The following MGAT4C variants were observed in gnomAD, a reference collection of about 807,000 sequenced individuals.
MGAT4C encodes MGAT4 family member C.
In MGAT4C, 19 loss-of-function variants were observed where a neutral mutation model predicts 40.1. That is an observed-to-expected ratio of 0.47 (90% CI 0.33 to 0.70). The LOEUF (loss-of-function observed/expected upper bound fraction) is 0.70. Ranked by LOEUF, MGAT4C falls within the 30% of genes least tolerant of loss-of-function variation. The pLI is 0.02. For synonymous variants in MGAT4C, 181 were observed against 187.1 expected (o/e 0.97, Z 0.27); for missense variants, 491 against 563.2 (o/e 0.87, Z 1.30).
chr12:86,371,914 A>G (rs1443884113), intron 3 of MGAT4C, among the ~76,000 whole-genome samples: 1 of 152,032 alleles, frequency 6.6e-6, no homozygotes, highest in Non-Finnish European at 1.5e-5. Context: ...CTTTCCTGGA[A>G]ATAAAAAATG....
chr12:86,672,091 T>A (rs2136564863), intron 2 of MGAT4C, among the ~76,000 whole-genome samples: 1 of 152,218 alleles, frequency 6.6e-6, no homozygotes, highest in South Asian at 2.1e-4. Context: ...GAAACTTCTC[T>A]GACCACAATG....
intron 2 of MGAT4C, among the ~76,000 whole-genome samples, chr12:86,497,893 A>AATATATATATATATATAT (rs71078904): frequency 7.5e-6 from 1 of 133,894 alleles, no homozygotes; most frequent in African/African-American, 2.7e-5. Context: ...GAAATTCCTA[A>AATATATATATATATATAT]ATATATATAT....
chr12:86,345,403 C>T (rs1380000241), intron 3 of MGAT4C, among the ~76,000 whole-genome samples: 2 of 152,024 alleles, frequency 1.3e-5, no homozygotes, highest in South Asian at 2.1e-4. Flanking sequence ...TTAGGTACAT[C>T]TCCTAATGCT....
intron 1 of MGAT4C, among the ~76,000 whole-genome samples, chr12:86,196,775 G>A (rs1283997066): frequency 2.0e-5 from 3 of 152,074 alleles, no homozygotes; most frequent in Non-Finnish European, 2.9e-5. Context: ...ATCTCTTTAA[G>A]GAGCAAATTT....
chr12:86,362,806 G>T (rs1344732547), intron 3 of MGAT4C, among the ~76,000 whole-genome samples: 1 of 145,628 alleles, frequency 6.9e-6, no homozygotes, highest in Non-Finnish European at 1.5e-5. Flanking sequence ...TGTGGAGTTT[G>T]CAGTGAGCCG....
chr12:86,138,716 T>A (rs1882400901), intron 1 of MGAT4C, among the ~76,000 whole-genome samples: 1 of 149,892 alleles, frequency 6.7e-6, no homozygotes, highest in African/African-American at 2.4e-5. Context: ...ATATATAAAA[T>A]ACAAATCATC....
At chr12:86,648,428 G>T (rs1034939747) in intron 2 of MGAT4C, among the ~76,000 whole-genome samples, 5 of 151,848 alleles carry the variant, frequency 3.3e-5, no homozygotes, top group African/African-American at 1.2e-4. Context: ...CCTTTGGGAG[G>T]TTATTAGAGT....
At chr12:86,719,551 G>A (rs1950704235) in intron 2 of MGAT4C, among the ~76,000 whole-genome samples, 1 of 152,272 alleles carries the variant, frequency 6.6e-6, no homozygotes, top group Admixed American at 6.5e-5. Flanking sequence ...GTTTCTTGAT[G>A]ATGGCTCAGT....
intron 1 of MGAT4C, among the ~76,000 whole-genome samples, chr12:86,251,576 T>C (rs1175753447): frequency 1.3e-5 from 2 of 152,088 alleles, no homozygotes; most frequent in African/African-American, 4.8e-5. Flanking sequence ...GAAAAGTTGC[T>C]GGAACTTAAC....
intron 4 of MGAT4C, among the ~76,000 whole-genome samples, chr12:86,262,961 T>C (rs189856159): frequency 8.9e-4 from 136 of 152,236 alleles, no homozygotes; most frequent in Non-Finnish European, 1.5e-3. Flanking sequence ...AAAAACTTTG[T>C]CATTTGTTTA....
At chr12:86,794,234 A>G (rs942168392) in intron 1 of MGAT4C, among the ~76,000 whole-genome samples, 1 of 151,758 alleles carries the variant, frequency 6.6e-6, no homozygotes, top group Non-Finnish European at 1.5e-5. Context: ...GGGTGACTGT[A>G]TGTTCTTTTT....
At chr12:86,376,096 G>GA (rs1013395606) in intron 3 of MGAT4C, among the ~76,000 whole-genome samples, 3 of 151,346 alleles carry the variant, frequency 2.0e-5, no homozygotes, top group Non-Finnish European at 4.4e-5. Flanking sequence ...TAGTTAAATT[G>GA]AAAAAATGAG....
intron 2 of MGAT4C, among the ~76,000 whole-genome samples, chr12:86,694,294 T>C (rs1277501967): frequency 2.6e-5 from 4 of 152,210 alleles, no homozygotes; most frequent in African/African-American, 9.6e-5. Flanking sequence ...CTTTTTTATA[T>C]GTCCAAAATA....
intron 1 of MGAT4C, among the ~76,000 whole-genome samples, chr12:86,732,561 T>C (rs1346123351): frequency 6.6e-6 from 1 of 152,060 alleles, no homozygotes; most frequent in Non-Finnish European, 1.5e-5. Context: ...GCAACCTATA[T>C]CCCTTGCATG....
chr12:86,199,093 A>G (rs952727477), intron 1 of MGAT4C, among the ~76,000 whole-genome samples: 1 of 152,210 alleles, frequency 6.6e-6, no homozygotes, highest in East Asian at 1.9e-4. Context: ...CCAGATTAAA[A>G]CATCTTGATA....
At chr12:86,696,348 A>G (rs1026969973) in intron 2 of MGAT4C, among the ~76,000 whole-genome samples, 3 of 152,322 alleles carry the variant, frequency 2.0e-5, no homozygotes, top group East Asian at 1.9e-4. Flanking sequence ...CACCTACCAC[A>G]TACCCACAAA....
chr12:86,758,483 G>A (rs910275368), intron 1 of MGAT4C, among the ~76,000 whole-genome samples: 17 of 149,114 alleles, frequency 1.1e-4, no homozygotes, highest in African/African-American at 3.0e-4. Context: ...TCATTAAGTC[G>A]TTGCCTAACT....
At chr12:86,648,395 T>G (rs1963605074) in intron 2 of MGAT4C, among the ~76,000 whole-genome samples, 1 of 151,918 alleles carries the variant, frequency 6.6e-6, no homozygotes, top group East Asian at 1.9e-4. Flanking sequence ...TAGTCTACAA[T>G]GTAATATTAT....
intron 2 of MGAT4C, among the ~76,000 whole-genome samples, chr12:86,520,489 G>C (rs2136358612): frequency 6.6e-6 from 1 of 152,170 alleles, no homozygotes; most frequent in East Asian, 1.9e-4. Context: ...TGGGCATTTA[G>C]GTTGACTCCT....
Sources: allele counts gnomAD v4.1 joint callset (sites outside exome capture counted in the v4.1 genomes callset), GRCh38; gene constraint gnomAD v4.1.1; transcripts MANE v1.5; gene names NCBI Gene and HGNC (gene_info 2026-07-23, HGNC 2026-07-21).